The following DENND4A variants were observed in gnomAD, a reference collection of about 807,000 sequenced individuals.
DENND4A encodes the protein C-myc promoter-binding protein.
DENND4A carries 70 observed loss-of-function variants against 199.3 expected under a neutral mutation model. That is an observed-to-expected ratio of 0.35 (90% CI 0.29 to 0.43). DENND4A has a LOEUF of 0.43. Among genes scored for constraint, DENND4A ranks in the 20% least tolerant of loss-of-function variants. The pLI is 1.00. For synonymous variants in DENND4A, 686 were observed against 766.9 expected, an observed-to-expected ratio of 0.89 and a Z score of 1.74; for missense variants, 1,723 against 2,255.8, an observed-to-expected ratio of 0.76 and a Z score of 4.78.
chr15:65,700,030 T>C (rs1272957742), intron 20 of DENND4A, among the ~76,000 whole-genome samples: 1 of 151,980 alleles, frequency 6.6e-6, no homozygotes, highest in African/African-American at 2.4e-5. Flanking sequence ...ACTTTTAAAA[T>C]CACTTAAGAT....
intron 6 of DENND4A, among the ~76,000 whole-genome samples, chr15:65,738,305 T>A (rs766441116): frequency 6.6e-6 from 1 of 152,192 alleles, no homozygotes; most frequent in Non-Finnish European, 1.5e-5. Flanking sequence ...GGGCAATTCA[T>A]TGAATTTCTC....
At chr15:65,736,065 C>T (rs1306211387) in intron 7 of DENND4A, among the ~76,000 whole-genome samples, 7 of 152,074 alleles carry the variant, frequency 4.6e-5, no homozygotes, top group Non-Finnish European at 5.9e-5. Flanking sequence ...CTTCCTAATG[C>T]TCAAAAACTT....
At chr15:65,764,002 C>T (rs1297846684) in intron 1 of DENND4A, among the ~76,000 whole-genome samples, 1 of 152,016 alleles carries the variant, frequency 6.6e-6, no homozygotes. Context: ...AGTAAAAATA[C>T]TGTATGTATA....
chr15:65,789,927 G>A (rs976857637), intron 1 of DENND4A, among the ~76,000 whole-genome samples: 9 of 152,152 alleles, frequency 5.9e-5, no homozygotes, highest in Non-Finnish European at 2.9e-5. Flanking sequence ...AGGCCAAGGC[G>A]GGCAGATTGC....
chr15:65,709,856 A>C (rs1325676753), intron 14 of DENND4A, among the ~76,000 whole-genome samples: 1 of 151,374 alleles, frequency 6.6e-6, no homozygotes, highest in East Asian at 1.9e-4. Context: ...GTAGTCATTA[A>C]AATCTTTAAG....
At chr15:65,677,460 T>C (rs528926173) in intron 23 of DENND4A, among the ~76,000 whole-genome samples, 1 of 152,168 alleles carries the variant, frequency 6.6e-6, no homozygotes, top group East Asian at 1.9e-4. Flanking sequence ...CCACCTGCCT[T>C]GGCCTCCCAA....
intron 1 of DENND4A, among the ~76,000 whole-genome samples, chr15:65,791,279 GAAC>G (rs202214369): frequency 2.6e-4 from 39 of 152,210 alleles, no homozygotes; most frequent in African/African-American, 7.5e-4. Flanking sequence ...AAGCACATTG[GAAC>G]AACAACAACA....
chr15:65,696,334 C>T (rs369833208), intron 22 of DENND4A, 32 bp downstream of exon 22: 25 of 1,592,320 alleles, frequency 1.6e-5, no homozygotes, highest in South Asian at 2.3e-5. Flanking sequence ...CAATTTATTC[C>T]GCACATAACA....
chr15:65,751,244 A>G (rs956587348), intron 4 of DENND4A, among the ~76,000 whole-genome samples: 1 of 152,222 alleles, frequency 6.6e-6, no homozygotes, highest in African/African-American at 2.4e-5. Flanking sequence ...TATAGCTAAC[A>G]GAGTTTACAG....
At chr15:65,756,962 G>A (rs781527509) in intron 2 of DENND4A, among the ~76,000 whole-genome samples, 2 of 152,094 alleles carry the variant, frequency 1.3e-5, no homozygotes, top group Non-Finnish European at 2.9e-5. Flanking sequence ...TCCTGAATCC[G>A]GGAAGCTGAG....
At chr15:65,665,202 C>T (rs774879335) in intron 30 of DENND4A, 143 bp downstream of exon 30, 72 of 589,978 alleles carry the variant, frequency 1.2e-4, no homozygotes, top group Non-Finnish European at 1.9e-4. Flanking sequence ...CACTCACTCT[C>T]AAACAAAAGA....
chr15:65,664,787 C>A, intron 30 of DENND4A, 65 bp from the exon 31 acceptor site: 1 of 1,298,592 alleles, frequency 7.7e-7, no homozygotes, highest in South Asian at 1.5e-5. Flanking sequence ...AGAAATTAAG[C>A]AGCAACTGAC....
At chr15:65,686,590 G>A (rs1295159259) in intron 23 of DENND4A, among the ~76,000 whole-genome samples, 2 of 152,126 alleles carry the variant, frequency 1.3e-5, no homozygotes, top group Non-Finnish European at 2.9e-5. Flanking sequence ...CAGAGACAAA[G>A]TCTTGCTATG....
At chr15:65,729,812 T>C (rs183371541) in intron 9 of DENND4A, 134 bp from the exon 10 acceptor site, 6 of 783,536 alleles carry the variant, frequency 7.7e-6, no homozygotes, top group Admixed American at 3.2e-5. Context: ...ATTTGTATTA[T>C]ATATTCACCG....
At chr15:65,693,609 C>T (rs1365529334) in intron 22 of DENND4A, among the ~76,000 whole-genome samples, 3 of 151,472 alleles carry the variant, frequency 2.0e-5, no homozygotes, top group Non-Finnish European at 4.4e-5. Flanking sequence ...GGAATGCACC[C>T]TCTCAATTCC....
rs781393656 is a variant in DENND4A at position 65,701,870 on chromosome 15, C to G, written c.2451G>C (p.Met817Ile). 1 of 1,613,696 alleles carries G rather than the reference C, an allele frequency of 6.2e-7. No homozygotes were observed. Residue 817 changes from methionine (M) to isoleucine (I), a missense_variant, in exon 18 of 33, where the codon ATG (methionine) becomes ATC (isoleucine). Transcript: ENST00000443035. The stretch of plus-strand genomic sequence containing the variant: ...GCTGATCATATTGTCCACAGAGTTG[C>G]ATAAGAATGCGGTAGCATACCTGAA... ...PPDEVCYRIL[M>I]QLCGQYDQPV...
chr15:65,764,260 G>A (rs997238256), intron 1 of DENND4A, among the ~76,000 whole-genome samples: 5 of 152,128 alleles, frequency 3.3e-5, no homozygotes, highest in African/African-American at 1.2e-4. Flanking sequence ...CACTTTGGGA[G>A]GTCAAGGCAG....
rs2075798551 is a variant in DENND4A, at chr15:65,659,753, A to T, written c.*2098T>A. On this transcript the variant is annotated 3_prime_UTR_variant, in exon 33 of 33. Coordinates refer to ENST00000443035, the MANE Select transcript of DENND4A (RefSeq NM_001320835.1). ...ATAATATTCCCTAGGGATTAAAAGT[A>T]GGGGAAATACAACCCTCTCCAAAAG... 1.3e-5 allele frequency: 2 copies of T among 153,668 alleles called. No homozygotes were observed. Among genetic ancestry groups the T allele is most frequent in the Admixed American group, 1.3e-4 (2 of 15,548 alleles). The allele number at this position is 153,668 out of a possible 1,614,324, so 9.5% of individuals were successfully genotyped here.
chr15:65,728,126 A>C (rs1359184535), intron 11 of DENND4A, among the ~76,000 whole-genome samples: 1 of 152,046 alleles, frequency 6.6e-6, no homozygotes, highest in African/African-American at 2.4e-5. Context: ...CTCCTGCCTC[A>C]GTCTCTGGAG....
Sources: allele counts gnomAD v4.1 joint callset (sites outside exome capture counted in the v4.1 genomes callset), GRCh38; gene constraint gnomAD v4.1.1; transcripts MANE v1.5; gene names NCBI Gene and HGNC (gene_info 2026-07-23, HGNC 2026-07-21).